SRPRA: variants seen among roughly 807,000 people sequenced by gnomAD.
The protein encoded by SRPRA is SRP receptor subunit alpha, also known as signal recognition particle receptor subunit alpha.
A neutral mutation model predicts 61.1 loss-of-function variants in SRPRA; 30 were observed. The ratio of observed to expected loss-of-function variants is 0.49; its 90% CI spans 0.37 to 0.67. SRPRA has a LOEUF of 0.67. Ranked by LOEUF, SRPRA falls within the 30% of genes least tolerant of loss-of-function variation. The pLI is 0.00. For synonymous variants in SRPRA, 324 were observed against 299.7 expected (o/e 1.08, Z -0.84); for missense variants, 759 against 828.4 (o/e 0.92, Z 1.03).
the SRPRA span, among the ~76,000 whole-genome samples, chr11:126,236,541 C>G: frequency 2.0e-5 from 3 of 152,030 alleles, no homozygotes; most frequent in African/African-American, 7.3e-5. Context: ...TCTCAGTAAC[C>G]TGAAATTTCA....
Position 126,263,771 on chromosome 11 carries a change from T to C in SRPRA, c.*145A>G. Reference sequence around the variant, plus strand: ...GATGGCGGCTGTGCTGAACGGGGAGTGGGGTTGGAAGGAGCCACAAGCCCC... The same window carrying C: ...GATGGCGGCTGTGCTGAACGGGGAGCGGGGTTGGAAGGAGCCACAAGCCCC... On this transcript the variant is annotated 3_prime_UTR_variant, in exon 14 of 14. Transcript: ENST00000332118. 2 of 1,112,116 alleles carry C rather than the reference T, an allele frequency of 1.8e-6. No individual in the cohort carries two copies. Among genetic ancestry groups the C allele is most frequent in the East Asian group, 2.4e-5 (1 of 41,066 alleles). The allele number at this position is 1,112,116 out of a possible 1,614,324, so 68.9% of individuals were successfully genotyped here.
At chr11:126,266,375 A>G (rs1278888820) in intron 6 of SRPRA, 97 bp from the exon 7 acceptor site, 3 of 1,590,686 alleles carry the variant, frequency 1.9e-6, no homozygotes, top group Admixed American at 3.4e-5. Context: ...GGAAGCTCCA[A>G]GTATAACTTA....
At chr11:126,262,282 G>C, downstream of SRPRA, 1 of 766,304 alleles carries the variant, frequency 1.3e-6, no homozygotes, top group South Asian at 1.6e-5. Flanking sequence ...AGGGGGGAAT[G>C]TTGCAGCGTA....
the SRPRA span, chr11:126,254,323 G>T: frequency 1.2e-6 from 2 of 1,614,146 alleles, no homozygotes. Context: ...GTGGGCTCAG[G>T]AGAAGCGTAA....
chr11:126,235,952 T>C, the SRPRA span, among the ~76,000 whole-genome samples: 639 of 152,334 alleles, frequency 4.2e-3, 5 homozygotes, highest in African/African-American at 0.015. Context: ...CTGTCTTTTT[T>C]GTTTGTTTGT....
At chr11:126,262,601 T>C (rs1950724507), downstream of SRPRA, 1 of 158,590 alleles carries the variant, frequency 6.3e-6, no homozygotes, top group South Asian at 2.0e-4. Flanking sequence ...TTTTACAGTG[T>C]ACAGTATTTT....
downstream of SRPRA, chr11:126,260,813 T>C (rs189450232): frequency 6.6e-6 from 1 of 152,412 alleles, no homozygotes; most frequent in Admixed American, 6.5e-5. Context: ...TTTTCTGAAC[T>C]ATTATCTATG....
chr11:126,251,853 T>A, the SRPRA span, among the ~76,000 whole-genome samples: 2 of 152,112 alleles, frequency 1.3e-5, no homozygotes, highest in African/African-American at 4.8e-5. Flanking sequence ...CGGCTAATTT[T>A]GTATTTTTGG....
chr11:126,248,650 G>T, the SRPRA span, among the ~76,000 whole-genome samples: 2 of 152,122 alleles, frequency 1.3e-5, no homozygotes, highest in Non-Finnish European at 2.9e-5. Flanking sequence ...GATTACAGGC[G>T]TGAGCCAGCA....
chr11:126,261,989 A>G (rs1302435794), downstream of SRPRA: 1 of 856,924 alleles, frequency 1.2e-6, no homozygotes, highest in African/African-American at 1.7e-5. Context: ...AATTTTAAAT[A>G]AATTACAAGA....
the SRPRA span, among the ~76,000 whole-genome samples, chr11:126,257,470 T>C: frequency 6.6e-6 from 1 of 152,050 alleles, no homozygotes; most frequent in Admixed American, 6.6e-5. Flanking sequence ...ATTTATTTAA[T>C]TGATGAAATA....
At position 126,267,184 on chromosome 11, in the gene SRPRA, TG is replaced by T; in HGVS notation, c.516del (p.Lys173ArgfsTer30). ...EKAKNSKKKG[A>X]KKEGSDGPLA... ...AAGAACTCAAACTTGCCTTCCTTCTTGGCCCCCTTTTTTTTGCTATTCTTTG... is the reference window on the plus strand; with the variant it reads ...AAGAACTCAAACTTGCCTTCCTTCTTGCCCCCTTTTTTTTGCTATTCTTTG... On this transcript the variant is annotated frameshift_variant, in exon 4 of 14. Coordinates refer to ENST00000332118, the MANE Select transcript of SRPRA (RefSeq NM_003139.4). LOFTEE classifies it high-confidence loss of function. The surrounding 1 kb of genome is among the most constrained non-coding windows in gnomAD (Gnocchi z 4.2). 6.2e-7 allele frequency: 1 copy of T among 1,614,120 alleles called. No individual in the cohort carries two copies. The highest frequency in any genetic ancestry group is 8.5e-7 in the Non-Finnish European group (1 of 1,180,024).
chr11:126,257,605 A>ATTT, the SRPRA span, among the ~76,000 whole-genome samples: 2 of 140,930 alleles, frequency 1.4e-5, no homozygotes, highest in East Asian at 2.0e-4. Flanking sequence ...AGAATTGTAC[A>ATTT]TTTTTTTTTT....
chr11:126,240,961 G>C, the SRPRA span: 4 of 1,614,062 alleles, frequency 2.5e-6, no homozygotes, highest in East Asian at 8.9e-5. Flanking sequence ...AGAAGATGAG[G>C]AGAGCAAAAA....
At chr11:126,249,731 CAAAAAAAAAAA>C in the SRPRA span, among the ~76,000 whole-genome samples, 12 of 79,004 alleles carry the variant, frequency 1.5e-4, no homozygotes, top group Admixed American at 1.8e-3. Flanking sequence ...GACTCCGTCT[CAAAAAAAAAAA>C]AAAAAAAAAA....
the SRPRA span, among the ~76,000 whole-genome samples, chr11:126,246,455 T>G: frequency 2.6e-5 from 4 of 152,224 alleles, no homozygotes; most frequent in Non-Finnish European, 5.9e-5. Flanking sequence ...TGTCAACATC[T>G]GTTTTTGCAC....
At chr11:126,256,925 A>G in the SRPRA span, 1 of 1,431,948 alleles carries the variant, frequency 7.0e-7, no homozygotes, top group Non-Finnish European at 9.5e-7. The surrounding 1 kb of genome is among the most constrained non-coding windows in gnomAD (Gnocchi z 6.6). Flanking sequence ...TTGTGATGTG[A>G]TGGGCAAAAT....
chr11:126,268,812 G>A lies in SRPRA; in HGVS notation c.-8C>T, dbSNP rs764932544. On this transcript the variant is annotated 5_prime_UTR_variant, in exon 1 of 14. Transcript: ENST00000332118. ...GGTGAAGAAGTCGAGCATGGCGGCA[G>A]CGGCAGAGGAGCTGGGGCCGGCGCC... is the stretch of plus-strand genomic sequence containing the variant. The A allele has an allele frequency of 3.1e-6, 5 of 1,610,762 alleles. No individual in the cohort carries two copies. Among genetic ancestry groups the A allele is most frequent in the Non-Finnish European group, 3.4e-6 (4 of 1,177,888 alleles).
chr11:126,260,560 G>GT (rs1192427634), downstream of SRPRA: 1 of 151,954 alleles, frequency 6.6e-6, no homozygotes, highest in African/African-American at 2.4e-5. Context: ...TTTTTTGCCA[G>GT]TTTTTTGTAA....
Sources: allele counts gnomAD v4.1 joint callset (sites outside exome capture counted in the v4.1 genomes callset), GRCh38; gene constraint gnomAD v4.1.1; non-coding constraint Gnocchi (gnomAD v3.1); transcripts MANE v1.5; gene names NCBI Gene and HGNC (gene_info 2026-07-23, HGNC 2026-07-21).